The following KCTD8 variants were observed in gnomAD, a reference collection of about 807,000 sequenced individuals.
The protein encoded by KCTD8 is potassium channel tetramerization domain containing 8.
Under a neutral mutation model 31.5 loss-of-function variants are expected in KCTD8, and 27 were observed. The observed-to-expected ratio is 0.86, with a 90% CI of 0.63 to 1.18. KCTD8 has a LOEUF of 1.18. Among genes scored for constraint, KCTD8 ranks in the 50% most tolerant of loss-of-function variants. KCTD8 has a pLI of 0.00. For synonymous variants in KCTD8, 290 were observed against 280.0 expected (o/e 1.04, Z -0.36); for missense variants, 658 against 647.7 (o/e 1.02, Z -0.17).
intron 1 of KCTD8, among the ~76,000 whole-genome samples, chr4:44,218,725 T>A (rs965304381): frequency 5.3e-5 from 8 of 151,998 alleles, no homozygotes; most frequent in African/African-American, 1.9e-4. Context: ...CTCTCCTTCC[T>A]AAAGCCCTAT....
chr4:44,368,893 G>A (rs564487422), intron 1 of KCTD8, among the ~76,000 whole-genome samples: 79 of 152,256 alleles, frequency 5.2e-4, no homozygotes, highest in African/African-American at 1.9e-3. Flanking sequence ...GCACATTTCG[G>A]TGTCTGCACT....
intron 1 of KCTD8, among the ~76,000 whole-genome samples, chr4:44,231,264 T>C (rs1260161620): frequency 2.0e-5 from 3 of 152,190 alleles, no homozygotes; most frequent in Non-Finnish European, 4.4e-5. Flanking sequence ...TTTTCAGGTC[T>C]TTTTATAGTT....
intron 1 of KCTD8, among the ~76,000 whole-genome samples, chr4:44,396,560 T>A (rs894135460): frequency 7.9e-5 from 12 of 152,082 alleles, no homozygotes; most frequent in Non-Finnish European, 1.5e-5. Context: ...TTTTTCATGT[T>A]TTTTTCTCAT....
At chr4:44,309,633 G>T (rs1717895621) in intron 1 of KCTD8, among the ~76,000 whole-genome samples, 1 of 152,144 alleles carries the variant, frequency 6.6e-6, no homozygotes, top group South Asian at 2.1e-4. Context: ...TCAAAAAGGT[G>T]TATGAACATA....
chr4:44,276,824 CATT>C (rs1244883479), intron 1 of KCTD8, among the ~76,000 whole-genome samples: 2 of 151,878 alleles, frequency 1.3e-5, no homozygotes, highest in Non-Finnish European at 2.9e-5. Flanking sequence ...GAGCAAGTAT[CATT>C]ATTATTTCAT....
At chr4:44,270,417 G>C (rs953576278) in intron 1 of KCTD8, among the ~76,000 whole-genome samples, 3 of 149,238 alleles carry the variant, frequency 2.0e-5, no homozygotes, top group Admixed American at 2.0e-4. Context: ...AGGAGGGATA[G>C]CATTAGGAGA....
intron 1 of KCTD8, among the ~76,000 whole-genome samples, chr4:44,416,953 T>C (rs773768340): frequency 1.3e-5 from 2 of 152,222 alleles, no homozygotes; most frequent in Non-Finnish European, 2.9e-5. Flanking sequence ...AGGCTTGCTA[T>C]ATGTCAGGCA....
At chr4:44,441,804 A>C (rs1721817742) in intron 1 of KCTD8, among the ~76,000 whole-genome samples, 2 of 152,242 alleles carry the variant, frequency 1.3e-5, no homozygotes, top group Admixed American at 6.5e-5. Flanking sequence ...ATTAGGTGAC[A>C]ATAAATGTGA....
intron 1 of KCTD8, among the ~76,000 whole-genome samples, chr4:44,414,724 T>A (rs564057992): frequency 2.4e-4 from 37 of 152,178 alleles, no homozygotes; most frequent in Non-Finnish European, 5.0e-4. Flanking sequence ...TGGATGTTTA[T>A]CCCCTCAAAA....
intron 1 of KCTD8, among the ~76,000 whole-genome samples, chr4:44,291,381 T>A (rs1435745999): frequency 6.6e-6 from 1 of 152,004 alleles, no homozygotes; most frequent in Non-Finnish European, 1.5e-5. Flanking sequence ...AAATAAGCAA[T>A]GGAGAAAGGA....
At position 44,448,287 on chromosome 4, in the gene KCTD8, G is replaced by A. The variant is rs569885993; in HGVS notation, c.237C>T (p.Pro79=). 9 of 1,608,096 alleles carry A rather than the reference G, an allele frequency of 5.6e-6. No individual in the cohort carries two copies. In the East Asian group the frequency reaches 1.1e-4, roughly 20 times the overall value. The change falls in exon 1 of 2, where the codon CCC becomes CCT. Residue 79 remains proline, a synonymous_variant. Coordinates refer to ENST00000360029, the MANE Select transcript of KCTD8 (RefSeq NM_198353.3). The surrounding 1 kb of genome is among the most constrained non-coding windows in gnomAD (Gnocchi z 4.1). ...CGCCCCGGCGCCGGGCGCCGCCACG[G>A]GGACTAGAGGGCGAGAACATGCTGG... ...TLASMFSPSS[P]RGGARRRGEL...
At chr4:44,241,791 G>A (rs1560403742) in intron 1 of KCTD8, among the ~76,000 whole-genome samples, 1 of 152,150 alleles carries the variant, frequency 6.6e-6, no homozygotes, top group East Asian at 1.9e-4. Flanking sequence ...CCAACCCTCT[G>A]AGAGTACAGG....
intron 1 of KCTD8, among the ~76,000 whole-genome samples, chr4:44,385,060 TGAA>T (rs774276192): frequency 6.6e-5 from 10 of 151,334 alleles, no homozygotes; most frequent in South Asian, 4.2e-4. Context: ...ACTACAAAAC[TGAA>T]GAAGAAGAAC....
intron 1 of KCTD8, among the ~76,000 whole-genome samples, chr4:44,339,312 T>A (rs1718834670): frequency 6.6e-6 from 1 of 151,990 alleles, no homozygotes; most frequent in Admixed American, 6.6e-5. Flanking sequence ...GTTCTTAGAA[T>A]CCCTAGAGAA....
intron 1 of KCTD8, among the ~76,000 whole-genome samples, chr4:44,251,049 A>G (rs1243962734): frequency 6.6e-6 from 1 of 151,682 alleles, no homozygotes; most frequent in Non-Finnish European, 1.5e-5. Context: ...TCAGTTTTCC[A>G]TATGGATAGC....
At chr4:44,248,058 C>A (rs747747368) in intron 1 of KCTD8, among the ~76,000 whole-genome samples, 1 of 151,836 alleles carries the variant, frequency 6.6e-6, no homozygotes, top group South Asian at 2.1e-4. Context: ...TCTGGTCTTG[C>A]CCTGTTCAAA....
At chr4:44,324,459 TG>T (rs1241669531) in intron 1 of KCTD8, among the ~76,000 whole-genome samples, 5 of 152,090 alleles carry the variant, frequency 3.3e-5, no homozygotes, top group African/African-American at 1.2e-4. Context: ...TGCATGTCTC[TG>T]ATCTGATGCA....
intron 1 of KCTD8, among the ~76,000 whole-genome samples, chr4:44,304,017 A>G (rs925651168): frequency 1.3e-5 from 2 of 152,128 alleles, no homozygotes; most frequent in African/African-American, 4.8e-5. Flanking sequence ...AATTTCACAT[A>G]ACACTAAATG....
At chr4:44,384,577 T>C (rs1159959131) in intron 1 of KCTD8, among the ~76,000 whole-genome samples, 1 of 151,796 alleles carries the variant, frequency 6.6e-6, no homozygotes, top group African/African-American at 2.4e-5. Flanking sequence ...GCTAAAAAGA[T>C]TGCTCTCATA....
Sources: allele counts gnomAD v4.1 joint callset (sites outside exome capture counted in the v4.1 genomes callset), GRCh38; gene constraint gnomAD v4.1.1; non-coding constraint Gnocchi (gnomAD v3.1); transcripts MANE v1.5; gene names NCBI Gene and HGNC (gene_info 2026-07-23, HGNC 2026-07-21).